The following ZNF687 variants were observed in gnomAD, a reference collection of about 807,000 sequenced individuals.
The protein encoded by ZNF687 is zinc finger protein 687.
Under a neutral mutation model 71.8 loss-of-function variants are expected in ZNF687, and 13 were observed. The ratio of observed to expected loss-of-function variants is 0.18; its 90% confidence interval spans 0.12 to 0.29. ZNF687 has a LOEUF of 0.29. ZNF687 is among the 10% of genes least tolerant of loss of function. The probability of loss-of-function intolerance (pLI) is 1.00; values close to 1 mark genes in which losing one functional copy is unlikely to be tolerated. For synonymous variants in ZNF687, 673 were observed against 641.6 expected, an observed-to-expected ratio of 1.05 and a Z score of -0.74; for missense variants, 1,412 against 1,625.6, an observed-to-expected ratio of 0.87 and a Z score of 2.26.
At chr1:151,282,491 C>A (rs765079925) in intron 1 of ZNF687, 96 bp downstream of exon 1, 8 of 889,376 alleles carry the variant, frequency 9.0e-6, no homozygotes, top group African/African-American at 3.6e-5. Flanking sequence ...TCAACTACCC[C>A]CTTCTCCGCG....
Position 151,286,483 on chromosome 1 carries a change from A to C in ZNF687, c.192A>C (p.Gly64=). The C allele has an allele frequency of 6.2e-7, 1 of 1,614,080 alleles. No homozygotes were observed. The highest frequency in any genetic ancestry group is 8.5e-7 in the Non-Finnish European group (1 of 1,179,938). Residue 64 remains glycine, a synonymous_variant, in exon 2 of 9, where the codon GGA becomes GGC. Coordinates refer to ENST00000336715, the MANE Select transcript of ZNF687 (RefSeq NM_020832.3). The stretch of plus-strand genomic sequence containing the variant: ...CAGCCTCTGCTGGGGATGGCCCTGG[A>C]GTTCCAGCCCAGGCCTCTGACCATG... ...TAAASAGDGP[G]VPAQASDHGL...
upstream of ZNF687, chr1:151,281,785 T>C (rs1044872562): frequency 1.6e-4 from 60 of 370,730 alleles, no homozygotes; most frequent in African/African-American, 1.3e-3. Context: ...CGGGTTTAGC[T>C]TGAAACAGCG....
chr1:151,282,122 A>G (rs774357819), upstream of ZNF687: 21 of 1,258,706 alleles, frequency 1.7e-5, no homozygotes, highest in Non-Finnish European at 2.2e-5. Context: ...TGAGCATAAG[A>G]GGACTGTGCG....
chr1:151,284,802 C>CTT lies in ZNF687; in HGVS notation c.-17-1447_-17-1446dup, dbSNP rs869269504. ...ACTTGTGCTCTCTGCCTTGTCTTGT[C>CTT]TTTTTTTTTTTTTTTTTTTTTTTTT... On this transcript the variant is annotated intron_variant, in intron 1 of 8. Coordinates refer to ENST00000336715, the MANE Select transcript of ZNF687 (RefSeq NM_020832.3). 2.3e-3 allele frequency among the ~76,000 whole-genome samples: 131 copies of CTT among 56,430 alleles called. 27 individuals carry two copies. Among genetic ancestry groups the CTT allele is most frequent in the African/African-American group, 9.3e-3 (115 of 12,422 alleles). 37.0% of individuals were successfully genotyped at this position (56,430 alleles called of 152,430 possible).
upstream of ZNF687, chr1:151,282,048 C>G (rs587629813): frequency 2.0e-3 from 2,605 of 1,282,624 alleles, 4 homozygotes; most frequent in Non-Finnish European, 2.4e-3. Flanking sequence ...GTAGATGGGG[C>G]AGACGGACCC....
rs1557771259 is a variant in ZNF687 at position 151,288,083 on chromosome 1, G to A, written c.1792G>A (p.Val598Ile). 14 of 1,613,900 alleles carry A rather than the reference G, an allele frequency of 8.7e-6. No homozygotes were observed. Among genetic ancestry groups the A allele is most frequent in the Non-Finnish European group, 1.2e-5 (14 of 1,180,048 alleles). Reference protein sequence around the residue: ...KGLVMQCSHLVMRPVALDQMV... With the variant: ...KGLVMQCSHLIMRPVALDQMV... ...GCTCGTCATGCAGTGCTCACATTTG[G>A]TCATGAGGCCTGTAGCCCTTGACCA... Residue 598 changes from valine (V) to isoleucine (I), a missense_variant, in exon 2 of 9, where the codon GTC (valine) becomes ATC (isoleucine). Transcript: ENST00000336715.
intron 4 of ZNF687, 51 bp from the exon 5 acceptor site, chr1:151,289,327 G>A (rs1460558658): frequency 4.3e-6 from 7 of 1,612,956 alleles, no homozygotes; most frequent in Non-Finnish European, 5.1e-6. Context: ...GGCGCAGGAG[G>A]GGAGGGGCTG....
chr1:151,288,406 T>C lies in ZNF687; in HGVS notation c.2115T>C (p.Asn705=), dbSNP rs766043316. 1.0e-5 allele frequency: 16 copies of C among 1,603,012 alleles called. No homozygotes were observed. The highest frequency in any genetic ancestry group is 8.4e-5 in the Admixed American group (5 of 59,690). Residue 705 remains asparagine, a splice_region_variant and synonymous_variant, in exon 2 of 9, where the codon AAT becomes AAC. Transcript: ENST00000336715. ...LGPPAPGATS[N]VCPTCPMMLP... is the part of the protein sequence containing the mutation. ...CCCCTGCCCCTGGGGCCACCAGCAA[T>C]GTGAGTCACCTTTCACAGCCCTTCT... is the stretch of plus-strand genomic sequence containing the variant.
chr1:151,291,143 G>C lies in ZNF687; in HGVS notation c.3648G>C (p.Lys1216Asn). ...GKSCDSPLNL[K>N]THFRTHGMAF... Reference sequence around the variant, plus strand: ...GCTGCGACAGCCCTCTAAACCTCAAGACCCACTTCCGCACGCATGGCATGG... The same window carrying C: ...GCTGCGACAGCCCTCTAAACCTCAACACCCACTTCCGCACGCATGGCATGG... The change falls in exon 9 of 9, where the codon AAG becomes AAC. Residue 1216 changes from lysine (K) to asparagine (N), a missense_variant. Around this residue, in one of 8 missense-constraint regions of ZNF687, gnomAD observed 284 missense variants for 359.2 expected, o/e 0.79. Coordinates refer to ENST00000336715, the MANE Select transcript of ZNF687 (RefSeq NM_020832.3). The C allele has an allele frequency of 6.2e-7, 1 of 1,613,156 alleles. No homozygotes were observed. The highest frequency in any genetic ancestry group is 8.5e-7 in the Non-Finnish European group (1 of 1,180,000).
In ZNF687 at chr1:151,291,170, G is replaced by C; in HGVS notation, c.3675G>C (p.Ala1225=). 1 of 1,612,868 alleles carries C rather than the reference G, an allele frequency of 6.2e-7. No individual in the cohort carries two copies. The highest frequency in any genetic ancestry group is 8.5e-7 in the Non-Finnish European group (1 of 1,179,890). The change falls in exon 9 of 9, where the codon GCG becomes GCC. Residue 1225 remains alanine (A), a synonymous_variant. Coordinates refer to ENST00000336715, the MANE Select transcript of ZNF687 (RefSeq NM_020832.3). Reference sequence around the variant, plus strand: ...CCCACTTCCGCACGCATGGCATGGCGTTCATCAGGGCTCGGCAGGGGGCTG... The same window carrying C: ...CCCACTTCCGCACGCATGGCATGGCCTTCATCAGGGCTCGGCAGGGGGCTG... The part of the protein sequence containing the change: ...LKTHFRTHGM[A]FIRARQGAVG...
At position 151,290,417 on chromosome 1, in the gene ZNF687, C is replaced by T. The variant is rs1194141154; in HGVS notation, c.3078-15C>T. The T allele has an allele frequency of 9.3e-6, 15 of 1,613,712 alleles. No individual in the cohort carries two copies. The highest frequency in any genetic ancestry group is 1.2e-5 in the Non-Finnish European group (14 of 1,180,034). ...GGCTGTGCCGCTGCTGCCATCCTGT[C>T]CTCTCCCATTTCAGGTATTGCACAG... On this transcript the variant is annotated splice_polypyrimidine_tract_variant and intron_variant, in intron 7 of 8. Coordinates refer to ENST00000336715, the MANE Select transcript of ZNF687 (RefSeq NM_020832.3).
Position 151,288,119 on chromosome 1 carries a change from C to A in ZNF687, c.1828C>A (p.Gln610Lys). Residue 610 changes from glutamine to lysine, a missense_variant, in exon 2 of 9, where the codon CAG (glutamine) becomes AAG (lysine). By Grantham distance (53) the Gln-to-Lys change is moderately conservative (BLOSUM62 1). Coordinates refer to ENST00000336715, the MANE Select transcript of ZNF687 (RefSeq NM_020832.3). The part of the protein sequence containing the change: ...RPVALDQMVG[Q>K]PDITPLLPVA... The stretch of plus-strand genomic sequence containing the variant: ...TGTAGCCCTTGACCAGATGGTGGGG[C>A]AGCCGGACATCACACCGCTGCTGCC... 1 of 1,613,902 alleles carries A rather than the reference C, an allele frequency of 6.2e-7. No homozygotes were observed. The highest frequency in any genetic ancestry group is 8.5e-7 in the Non-Finnish European group (1 of 1,180,034).
chr1:151,283,316 A>G, intron 1 of ZNF687: 1 of 985,376 alleles, frequency 1.0e-6, no homozygotes, highest in Non-Finnish European at 1.2e-6. Context: ...GGCCCGGGCA[A>G]AGGTCAGTGG....
chr1:151,286,881 C>T lies in ZNF687; in HGVS notation c.590C>T (p.Ser197Phe). The change falls in exon 2 of 9, where the codon TCT becomes TTT. Residue 197 changes from serine (S) to phenylalanine (F), a missense_variant. Physicochemically the swap from Ser to Phe is radical, Grantham distance 155. Around this residue, in one of 8 missense-constraint regions of ZNF687, gnomAD observed 490 missense variants for 489.9 expected, o/e 1.00. Coordinates refer to ENST00000336715, the MANE Select transcript of ZNF687 (RefSeq NM_020832.3). ...EGALTPPPFP[S>F]SFELAQENGP... is the part of the protein sequence containing the mutation. Reference sequence around the variant, plus strand: ...GCTCTGACCCCGCCTCCTTTCCCCTCTTCCTTTGAGCTGGCCCAGGAGAAT... The same window carrying T: ...GCTCTGACCCCGCCTCCTTTCCCCTTTTCCTTTGAGCTGGCCCAGGAGAAT... 1 of 1,613,302 alleles carries T rather than the reference C, an allele frequency of 6.2e-7. No individual in the cohort carries two copies. The highest frequency in any genetic ancestry group is 1.3e-5 in the African/African-American group (1 of 75,054).
At position 151,287,636 on chromosome 1, in the gene ZNF687, C is replaced by G. The variant is rs1694010701; in HGVS notation, c.1345C>G (p.Leu449Val). 6.2e-7 allele frequency: 1 copy of G among 1,612,986 alleles called. No homozygotes were observed. The highest frequency in any genetic ancestry group is 2.2e-5 in the East Asian group (1 of 44,866). ...CGTGCTAGGCCTGGTGCCCCAAGCC[C>G]TGCCTAAGGCTGACGGGCGGGCAGG... is the stretch of plus-strand genomic sequence containing the variant. ...KNVLGLVPQA[L>V]PKADGRAGLG... Residue 449 changes from leucine to valine, a missense_variant, in exon 2 of 9, where the codon CTG (leucine) becomes GTG (valine). Physicochemically the swap from Leu to Val is conservative, Grantham distance 32. Coordinates refer to ENST00000336715, the MANE Select transcript of ZNF687 (RefSeq NM_020832.3). The surrounding 1 kb of genome is among the most constrained non-coding windows in gnomAD (Gnocchi z 5.0).
In ZNF687 at chr1:151,289,282, GGGGAGGGCCGGGCTGGGCCA is replaced by G. The variant is rs758367713; in HGVS notation, c.2471+20_2471+39del. 2 of 1,613,272 alleles carry G rather than the reference GGGGAGGGCCGGGCTGGGCCA, an allele frequency of 1.2e-6. No individual in the cohort carries two copies. The highest frequency in any genetic ancestry group is 3.3e-5 in the Admixed American group (2 of 60,012). On this transcript the variant is annotated intron_variant, in intron 4 of 8. Transcript: ENST00000336715. ...AACTCAGCAGGCCAAGTGAGGCCCG[GGGGAGGGCCGGGCTGGGCCA>G]GGGAGGGCTGGTGGGGCGCAGGAGG...
rs1350401742 is a variant in ZNF687 at position 151,287,290 on chromosome 1, G to T, written c.999G>T (p.Lys333Asn). The change falls in exon 2 of 9, where the codon AAG (lysine) becomes AAT (asparagine). Residue 333 changes from lysine (K) to asparagine (N), a missense_variant. Transcript: ENST00000336715. The surrounding 1 kb of genome is among the most constrained non-coding windows in gnomAD (Gnocchi z 5.0). ...SSSRPLKVRI[K>N]TIKTSCGNIT... ...CTAGGCCTCTTAAGGTGCGGATCAA[G>T]ACCATTAAAACATCCTGCGGGAATA... 6.2e-7 allele frequency: 1 copy of T among 1,614,190 alleles called. No individual in the cohort carries two copies. The highest frequency in any genetic ancestry group is 1.1e-5 in the South Asian group (1 of 91,080).
In ZNF687 at chr1:151,290,250, C is replaced by A. The variant is rs753218282; in HGVS notation, c.3077+16C>A. 8 of 1,612,918 alleles carry A rather than the reference C, an allele frequency of 5.0e-6. No homozygotes were observed. In the African/African-American group the frequency reaches 8.0e-5, roughly 16 times the overall value. ...ACCCCTGCAGGTAAGTCTTGCTCCC[C>A]GCTTCCTCTTCCTGCCCAGCACGTG... On this transcript the variant is annotated intron_variant, in intron 7 of 8. Coordinates refer to ENST00000336715, the MANE Select transcript of ZNF687 (RefSeq NM_020832.3).
At position 151,290,568 on chromosome 1, in the gene ZNF687, G is replaced by A. The variant is rs1694185921; in HGVS notation, c.3214G>A (p.Ala1072Thr). 6.2e-7 allele frequency: 1 copy of A among 1,613,042 alleles called. No homozygotes were observed. Among genetic ancestry groups the A allele is most frequent in the Non-Finnish European group, 8.5e-7 (1 of 1,179,608 alleles). Residue 1072 changes from alanine to threonine, a missense_variant, in exon 8 of 9, where the codon GCC becomes ACC. By Grantham distance (58) the Ala-to-Thr change is moderately conservative. Around this residue, in one of 8 missense-constraint regions of ZNF687, gnomAD observed 284 missense variants for 359.2 expected, o/e 0.79. Coordinates refer to ENST00000336715, the MANE Select transcript of ZNF687 (RefSeq NM_020832.3). Reference protein sequence around the residue: ...TTLARGSSARAQGPGRKRRQS... With the variant: ...TTLARGSSARTQGPGRKRRQS... ...CTTGGCTCGGGGTTCCAGTGCCAGA[G>A]CCCAGGTAGGCAGAGGCCCGGCCTG...
Sources: allele counts gnomAD v4.1 joint callset (sites outside exome capture counted in the v4.1 genomes callset), GRCh38; gene constraint gnomAD v4.1.1; regional missense constraint gnomAD v4.1.1; non-coding constraint Gnocchi (gnomAD v3.1); transcripts MANE v1.5; gene names NCBI Gene and HGNC (gene_info 2026-07-23, HGNC 2026-07-21).